KCNK5: variants seen among roughly 807,000 people sequenced by gnomAD.
KCNK5 encodes the protein potassium two pore domain channel subfamily K member 5.
Under a neutral mutation model 32.9 loss-of-function variants are expected in KCNK5, and 18 were observed. The observed-to-expected ratio is 0.55, with a 90% CI of 0.38 to 0.81. The LOEUF is 0.81. KCNK5 is among the 30% of genes least tolerant of loss of function. The pLI is 0.00. For missense variants in KCNK5, 507 were observed against 651.0 expected (o/e 0.78, Z 2.41); for synonymous variants, 276 against 275.3 (o/e 1.00, Z -0.03).
In KCNK5 at chr6:39,215,321, G is replaced by A. The variant is rs565636285; in HGVS notation, c.186+13605C>T. 5.5e-3 allele frequency among the ~76,000 whole-genome samples: 831 copies of A among 152,272 alleles called. 5 individuals carry two copies. The highest frequency in any genetic ancestry group is 0.019 in the African/African-American group (779 of 41,550). ...TTGGCGAGAGGCAGCCCTTCCACTC[G>A]CTGCTCTGAAGGGGGCAGGGATGCT... On this transcript the variant is annotated intron_variant, in intron 1 of 4. Transcript: ENST00000359534.
intron 1 of KCNK5, among the ~76,000 whole-genome samples, chr6:39,213,388 G>T (rs556648685): frequency 1.3e-5 from 2 of 152,150 alleles, no homozygotes; most frequent in African/African-American, 4.8e-5. Flanking sequence ...TTTCTATGAC[G>T]CAATATTAAC....
chr6:39,216,567 TGGACTCAGAGGG>T (rs1295380982), intron 1 of KCNK5, among the ~76,000 whole-genome samples: 1 of 152,200 alleles, frequency 6.6e-6, no homozygotes, highest in Non-Finnish European at 1.5e-5. Context: ...GCTCTGGCTC[TGGACTCAGAGGG>T]CCTGGGTTCA....
At chr6:39,200,459 T>C (rs899048738) in intron 1 of KCNK5, among the ~76,000 whole-genome samples, 6 of 152,134 alleles carry the variant, frequency 3.9e-5, no homozygotes, top group African/African-American at 1.2e-4. Flanking sequence ...GAAGATACTA[T>C]AATTTTTTTC....
intron 1 of KCNK5, among the ~76,000 whole-genome samples, chr6:39,221,181 A>G (rs1216042898): frequency 6.6e-6 from 1 of 152,174 alleles, no homozygotes; most frequent in Admixed American, 6.5e-5. Flanking sequence ...TGTGAGGTCG[A>G]GCTGATCACA....
chr6:39,217,230 G>C (rs1771457139), intron 1 of KCNK5, among the ~76,000 whole-genome samples: 1 of 151,754 alleles, frequency 6.6e-6, no homozygotes, highest in Admixed American at 6.6e-5. Flanking sequence ...GGAGTTTCCT[G>C]TCTGTAGTGT....
chr6:39,223,512 C>A (rs1191588486), intron 1 of KCNK5, among the ~76,000 whole-genome samples: 1 of 152,236 alleles, frequency 6.6e-6, no homozygotes, highest in East Asian at 1.9e-4. Context: ...GGAGGCAAAC[C>A]TATTTCATGT....
chr6:39,197,898 G>A (rs538499147), intron 1 of KCNK5, among the ~76,000 whole-genome samples: 1 of 152,312 alleles, frequency 6.6e-6, no homozygotes, highest in South Asian at 2.1e-4. Flanking sequence ...TGGAATCATG[G>A]GGAACAGGAA....
At chr6:39,201,073 C>G (rs534243068) in intron 1 of KCNK5, among the ~76,000 whole-genome samples, 90 of 152,314 alleles carry the variant, frequency 5.9e-4, no homozygotes, top group African/African-American at 2.0e-3. Context: ...GCCGCCATCA[C>G]TTTAGGATCA....
At position 39,194,504 on chromosome 6, in the gene KCNK5, C is replaced by A; in HGVS notation, c.465+90G>T. ...TATCCTCTTGCCATCTGTCCTTACACCCTTGGTCCAATTCCTAGAGGCCTC... is the reference window on the plus strand; with the variant it reads ...TATCCTCTTGCCATCTGTCCTTACAACCTTGGTCCAATTCCTAGAGGCCTC... On this transcript the variant is annotated intron_variant, in intron 3 of 4. Transcript: ENST00000359534. The surrounding 1 kb of genome is among the most constrained non-coding windows in gnomAD (Gnocchi z 4.7). The A allele has an allele frequency of 2.7e-6, 4 of 1,501,586 alleles. No homozygotes were observed. In the South Asian group the frequency reaches 5.0e-5, roughly 19 times the overall value. 93.0% of individuals were successfully genotyped at this position (1,501,586 alleles called of 1,614,324 possible).
chr6:39,191,063 A>C lies in KCNK5; in HGVS notation c.1327T>G (p.Leu443Val). The C allele has an allele frequency of 6.2e-7, 1 of 1,613,454 alleles. No homozygotes were observed. Among genetic ancestry groups the C allele is most frequent in the Non-Finnish European group, 8.5e-7 (1 of 1,179,710 alleles). ...ETSKSSLEDN[L>V]AGEESPQQGA... is the part of the protein sequence containing the mutation. The stretch of plus-strand genomic sequence containing the variant: ...TGCTGGGGGCTCTCCTCCCCTGCCA[A>C]GTTGTCCTCTAGCGAGGACTTGGAG... Residue 443 changes from leucine to valine, a missense_variant, in exon 5 of 5, where the codon TTG (leucine) becomes GTG (valine). Physicochemically the swap from Leu to Val is conservative, Grantham distance 32. Around this residue, in one of 6 missense-constraint regions of KCNK5, gnomAD observed 252 missense variants for 250.8 expected, o/e 1.00. Transcript: ENST00000359534. The surrounding 1 kb of genome is among the most constrained non-coding windows in gnomAD (Gnocchi z 5.8).
Position 39,229,242 on chromosome 6 carries a change from C to G in KCNK5, c.-131G>C. Reference sequence around the variant, plus strand: ...GCATGCGCAGTGCCCGGTACTCACCCCCCGCAAGCACCGCTCCCCGGACAG... The same window carrying G: ...GCATGCGCAGTGCCCGGTACTCACCGCCCGCAAGCACCGCTCCCCGGACAG... On this transcript the variant is annotated 5_prime_UTR_variant, in exon 1 of 5. Coordinates refer to ENST00000359534, the MANE Select transcript of KCNK5 (RefSeq NM_003740.4). 1 of 918,378 alleles carries G rather than the reference C, an allele frequency of 1.1e-6. No homozygotes were observed. Among genetic ancestry groups the G allele is most frequent in the African/African-American group, 1.7e-5 (1 of 60,052 alleles). 56.9% of individuals were successfully genotyped at this position (918,378 alleles called of 1,614,324 possible).
intron 1 of KCNK5, among the ~76,000 whole-genome samples, chr6:39,226,814 A>C (rs1340657486): frequency 6.6e-6 from 1 of 152,158 alleles, no homozygotes; most frequent in African/African-American, 2.4e-5. Flanking sequence ...TATGACGGGA[A>C]GGGACTCGCC....
At chr6:39,199,721 G>C (rs568046995) in intron 1 of KCNK5, among the ~76,000 whole-genome samples, 2 of 152,328 alleles carry the variant, frequency 1.3e-5, no homozygotes, top group Admixed American at 6.5e-5. Flanking sequence ...CCTTGCGGTT[G>C]CCTCCTCTGC....
At chr6:39,222,609 G>T (rs1771574124) in intron 1 of KCNK5, among the ~76,000 whole-genome samples, 1 of 152,168 alleles carries the variant, frequency 6.6e-6, no homozygotes, top group Non-Finnish European at 1.5e-5. Context: ...CCATCCTGCA[G>T]AACACCTCCC....
chr6:39,220,404 T>C (rs551596316), intron 1 of KCNK5, among the ~76,000 whole-genome samples: 4 of 151,358 alleles, frequency 2.6e-5, no homozygotes, highest in Non-Finnish European at 5.9e-5. Context: ...AGAGGGGAGG[T>C]GGGTGGTGTC....
In KCNK5 at chr6:39,206,834, C is replaced by T. The variant is rs539504601; in HGVS notation, c.187-10847G>A. ...AAGAGTCATGGCTTCACTGTGTTGG[C>T]GCGTCGATTACAAAAAAATGATGAA... On this transcript the variant is annotated intron_variant, in intron 1 of 4. Transcript: ENST00000359534. Among the ~76,000 whole-genome samples the T allele has an allele frequency of 1.7e-3, 254 of 152,070 alleles. 2 individuals are homozygous for T. In the South Asian group the frequency reaches 0.025, roughly 15 times the overall value.
Position 39,204,116 on chromosome 6 carries a change from C to T in KCNK5, c.187-8129G>A, listed in dbSNP as rs1020505592. Among the ~76,000 whole-genome samples, 45 of 152,236 alleles carry T rather than the reference C, an allele frequency of 3.0e-4. 1 individual carries two copies. The highest frequency in any genetic ancestry group is 7.8e-4 in the Admixed American group (12 of 15,288). On this transcript the variant is annotated intron_variant, in intron 1 of 4. Transcript: ENST00000359534. ...GGCAGCAGGGCCACACCCGTCTCCTCGAAGACCAGAGCTGGGCTGTTGCAA... is the reference window on the plus strand; with the variant it reads ...GGCAGCAGGGCCACACCCGTCTCCTTGAAGACCAGAGCTGGGCTGTTGCAA...
chr6:39,189,271 G>C lies in KCNK5; in HGVS notation c.*1619C>G, dbSNP rs972448175. 6.6e-6 allele frequency: 1 copy of C among 152,188 alleles called. No homozygotes were observed. 9.4% of individuals were successfully genotyped at this position (152,188 alleles called of 1,614,324 possible). On this transcript the variant is annotated 3_prime_UTR_variant, in exon 5 of 5. Coordinates refer to ENST00000359534, the MANE Select transcript of KCNK5 (RefSeq NM_003740.4). ...GTGGGGCAGAAGGCAGAGAGTGAAC[G>C]GAGCTGAGCGGCTCTGATGACTTGC...
At chr6:39,226,311 GTCCC>G (rs1023499503) in intron 1 of KCNK5, among the ~76,000 whole-genome samples, 12 of 152,328 alleles carry the variant, frequency 7.9e-5, no homozygotes, top group Admixed American at 7.2e-4. Context: ...CGATCACGTG[GTCCC>G]AGGCTGGCGG....
Sources: gnomAD v4.1 joint callset for allele counts (sites outside exome capture counted in the v4.1 genomes callset) on GRCh38, gnomAD v4.1.1 for gene constraint, gnomAD v4.1.1 regional missense constraint, Gnocchi (gnomAD v3.1) non-coding constraint, MANE v1.5 for transcripts, NCBI Gene and HGNC (gene_info 2026-07-23, HGNC 2026-07-21) for gene names.